PYGL: variants seen among roughly 807,000 people sequenced by gnomAD.
The protein encoded by PYGL is glycogen phosphorylase, liver form.
Under a neutral mutation model 100.1 loss-of-function variants are expected in PYGL, and 90 were observed. The ratio of observed to expected loss-of-function variants is 0.90; its 90% CI spans 0.76 to 1.07. The LOEUF (loss-of-function observed/expected upper bound fraction) is 1.07. PYGL is among the 50% of genes least tolerant of loss of function. PYGL has a pLI of 0.00. For synonymous variants in PYGL, 373 were observed against 393.0 expected, an observed-to-expected ratio of 0.95 and a Z score of 0.60; for missense variants, 1,016 against 1,057.6, an observed-to-expected ratio of 0.96 and a Z score of 0.55.
At chr14:50,920,434 G>T in intron 7 of PYGL, 107 bp downstream of exon 7, 1 of 1,110,816 alleles carries the variant, frequency 9.0e-7, no homozygotes, top group Non-Finnish European at 1.4e-6. Context: ...AGCTTGTTCT[G>T]CACATGGAAA....
intron 6 of PYGL, 77 bp from the exon 7 acceptor site, chr14:50,920,700 G>C (rs2050492511): frequency 7.2e-7 from 1 of 1,397,962 alleles, no homozygotes; most frequent in African/African-American, 1.4e-5. Flanking sequence ...CACTGGCTCT[G>C]TGCTGTGTGT....
At chr14:50,921,295 A>C in intron 5 of PYGL, 1 of 552,712 alleles carries the variant, frequency 1.8e-6, no homozygotes, top group East Asian at 3.1e-5. Flanking sequence ...ATCCACACTG[A>C]TGGTCCTTTA....
chr14:50,916,273 G>C (rs2050448034), intron 9 of PYGL, among the ~76,000 whole-genome samples: 1 of 152,188 alleles, frequency 6.6e-6, no homozygotes, highest in Admixed American at 6.5e-5. Context: ...AACGTAAATA[G>C]TGCTCTCAGC....
intron 4 of PYGL, among the ~76,000 whole-genome samples, chr14:50,925,786 G>T (rs1376977889): frequency 6.6e-6 from 1 of 152,192 alleles, no homozygotes. Context: ...AACATCTTTA[G>T]TTGGAAGAGC....
In PYGL at chr14:50,931,658, A is replaced by T. The variant is rs764123645; in HGVS notation, c.528+15T>A. The T allele has an allele frequency of 1.2e-6, 2 of 1,602,148 alleles. No individual in the cohort carries two copies. The highest frequency in any genetic ancestry group is 1.3e-5 in the African/African-American group (1 of 74,628). On this transcript the variant is annotated intron_variant, in intron 4 of 19. Coordinates refer to ENST00000216392, the MANE Select transcript of PYGL (RefSeq NM_002863.5). Reference sequence around the variant, plus strand: ...AGTACCTTAATGACAAAATTTAAAAAGATGGCTCACACACCTGCCATCCAT... The same window carrying T: ...AGTACCTTAATGACAAAATTTAAAATGATGGCTCACACACCTGCCATCCAT...
chr14:50,914,522 A>ATAC (rs2050427771), intron 12 of PYGL, among the ~76,000 whole-genome samples, 179 bp downstream of exon 12: 1 of 150,008 alleles, frequency 6.7e-6, no homozygotes, highest in African/African-American at 2.5e-5. Flanking sequence ...AATAATAATA[A>ATAC]ATAATTTCAA....
rs144581775 is a variant in PYGL, at chr14:50,906,726, G to A, written c.2380-1170C>T. Among the ~76,000 whole-genome samples, 38 of 152,318 alleles carry A rather than the reference G, an allele frequency of 2.5e-4. 1 individual carries two copies. The East Asian group carries it at 6.0e-3, about 24-fold the overall frequency. The stretch of plus-strand genomic sequence containing the variant: ...CTGTGTCTTTGCATTCTTGCGGCCT[G>A]TATATGGCTTTTCTCTCCAATGTAC... On this transcript the variant is annotated intron_variant, in intron 19 of 19. Transcript: ENST00000216392.
chr14:50,915,785 T>G (rs1425972746), intron 10 of PYGL, 40 bp downstream of exon 10: 1 of 1,599,392 alleles, frequency 6.3e-7, no homozygotes, highest in East Asian at 2.2e-5. Flanking sequence ...CCTTAAGATC[T>G]TATGCTCATG....
In PYGL at chr14:50,905,664, G is replaced by A. The variant is rs149227641; in HGVS notation, c.2380-108C>T. ...CACATTTCATGAGGGAAAATGACAGGAATAAATTATAGTAAATTACAAATA... is the reference window on the plus strand; with the variant it reads ...CACATTTCATGAGGGAAAATGACAGAAATAAATTATAGTAAATTACAAATA... On this transcript the variant is annotated intron_variant, in intron 19 of 19. Coordinates refer to ENST00000216392, the MANE Select transcript of PYGL (RefSeq NM_002863.5). 1.4e-3 allele frequency: 1,513 copies of A among 1,087,062 alleles called. 1 individual carries two copies. Among genetic ancestry groups the A allele is most frequent in the Middle Eastern group, 2.4e-3 (12 of 4,996 alleles). 67.3% of individuals were successfully genotyped at this position (1,087,062 alleles called of 1,614,324 possible). A position where few individuals can be genotyped will look rare whatever the true frequency, so the allele number is the denominator to read the frequency against.
intron 5 of PYGL, 98 bp downstream of exon 5, chr14:50,923,871 C>G: frequency 7.2e-7 from 1 of 1,396,890 alleles, no homozygotes; most frequent in Non-Finnish European, 1.0e-6. Flanking sequence ...CACGACATGC[C>G]CTATACTCAA....
At chr14:50,914,932 A>G in intron 11 of PYGL, 117 bp from the exon 12 acceptor site, 1 of 790,192 alleles carries the variant, frequency 1.3e-6, no homozygotes, top group South Asian at 1.4e-5. Flanking sequence ...AAGGTTAAAT[A>G]AAGGTGGAGG....
chr14:50,934,997 C>G, intron 3 of PYGL, 110 bp downstream of exon 3: 1 of 990,948 alleles, frequency 1.0e-6, no homozygotes, highest in Non-Finnish European at 1.6e-6. Context: ...CAGGTCATAC[C>G]TTGCGCTTCT....
intron 7 of PYGL, among the ~76,000 whole-genome samples, chr14:50,917,632 C>T (rs1004004487): frequency 1.3e-5 from 2 of 152,216 alleles, no homozygotes; most frequent in African/African-American, 4.8e-5. Flanking sequence ...TGGCAGGCAA[C>T]GTATCAGGAA....
intron 2 of PYGL, among the ~76,000 whole-genome samples, chr14:50,936,015 C>T (rs1370464807): frequency 6.6e-6 from 1 of 152,236 alleles, no homozygotes; most frequent in Non-Finnish European, 1.5e-5. Flanking sequence ...GGGGATCACA[C>T]AGCAGAGTCC....
At position 50,912,359 on chromosome 14, in the gene PYGL, C is replaced by T. The variant is rs1322109401; in HGVS notation, c.1621-56G>A. The T allele has an allele frequency of 2.5e-6, 4 of 1,589,242 alleles. No homozygotes were observed. In the African/African-American group the frequency reaches 5.4e-5, roughly 21 times the overall value. On this transcript the variant is annotated intron_variant, in intron 13 of 19. Coordinates refer to ENST00000216392, the MANE Select transcript of PYGL (RefSeq NM_002863.5). ...TTTTGGCCTAGAAGAATTGGGTGGT[C>T]TGGTTTTTCTTTTTTTTGAGACGGA...
At position 50,923,994 on chromosome 14, in the gene PYGL, G is replaced by T; in HGVS notation, c.635C>A (p.Thr212Asn). 1 of 1,613,930 alleles carries T rather than the reference G, an allele frequency of 6.2e-7. No homozygotes were observed. Among genetic ancestry groups the T allele is most frequent in the East Asian group, 2.2e-5 (1 of 44,862 alleles). ...HFYGKVEHTN[T>N]GTKWIDTQVV... ...TTGAGTGTCAATCCACTTGGTCCCG[G>T]TGTTGGTGTGTTCTACTTTTCCATA... The change falls in exon 5 of 20, where the codon ACC (threonine) becomes AAC (asparagine). Residue 212 changes from threonine (T) to asparagine (N), a missense_variant. Coordinates refer to ENST00000216392, the MANE Select transcript of PYGL (RefSeq NM_002863.5).
chr14:50,916,639 G>A lies in PYGL; in HGVS notation c.1092+3C>T, dbSNP rs2050452844. 6 of 1,608,472 alleles carry A rather than the reference G, an allele frequency of 3.7e-6. No homozygotes were observed. The highest frequency in any genetic ancestry group is 5.1e-6 in the Non-Finnish European group (6 of 1,174,996). On this transcript the variant is annotated splice_donor_region_variant and intron_variant, in intron 9 of 19. Transcript: ENST00000216392. ...AAGGAAAAAGAAGCCAAACTATCCA[G>A]ACCTTGGACCAGGGCAGTTTTTCAA...
Position 50,920,599 on chromosome 14 carries a change from G to T in PYGL, c.797C>A (p.Ala266Asp), listed in dbSNP as rs773063956. The part of the protein sequence containing the change: ...RDFNVGDYIQ[A>D]VLDRNLAENI... ...CTCGGCCAGGTTTCGGTCCAGCACA[G>T]CCTGAATGTAGTCTCCAACATTAAC... Residue 266 changes from alanine to aspartate, a missense_variant, in exon 7 of 20, where the codon GCT (alanine) becomes GAT (aspartate). Transcript: ENST00000216392. 64 of 1,612,382 alleles carry T rather than the reference G, an allele frequency of 4.0e-5. No homozygotes were observed. Among genetic ancestry groups the T allele is most frequent in the Non-Finnish European group, 5.3e-5 (63 of 1,178,534 alleles).
intron 18 of PYGL, 108 bp from the exon 19 acceptor site, chr14:50,908,445 G>C (rs1021772966): frequency 9.7e-7 from 1 of 1,030,620 alleles, no homozygotes; most frequent in African/African-American, 1.6e-5. Flanking sequence ...AGGCATGGCT[G>C]GTTTACCAAA....
Sources: allele counts gnomAD v4.1 joint callset (sites outside exome capture counted in the v4.1 genomes callset), GRCh38; gene constraint gnomAD v4.1.1; transcripts MANE v1.5; gene names NCBI Gene and HGNC (gene_info 2026-07-23, HGNC 2026-07-21).